Variants in TTN observed in about 807,000 individuals in gnomAD.
TTN encodes titin.
Under a neutral mutation model 3,223.0 loss-of-function variants are expected in TTN, and 1,525 were observed. The observed-to-expected ratio is 0.47, with a 90% confidence interval of 0.45 to 0.49. The LOEUF is 0.49. Ranked by LOEUF, TTN falls within the 20% of genes least tolerant of loss-of-function variation. TTN has a pLI of 0.00. For synonymous variants in TTN, 14,094 were observed against 15,161.0 expected (o/e 0.93, Z 5.17); for missense variants, 40,786 against 43,424.0 (o/e 0.94, Z 5.40).
Position 178,636,864 on chromosome 2 carries a change from G to T in TTN, c.40928-65C>A. On this transcript the variant is annotated intron_variant, in intron 224 of 362. Transcript: ENST00000589042. This position sits in a 1 kb window ranked among gnomAD's most constrained non-coding sequence, Gnocchi z 4.3. ...TTAGGAGTCAGAAAGTTCATACTTGGCTGCCTGCTGGATAAAACCAGCCGT... is the reference window on the plus strand; with the variant it reads ...TTAGGAGTCAGAAAGTTCATACTTGTCTGCCTGCTGGATAAAACCAGCCGT... 2.0e-6 allele frequency: 3 copies of T among 1,485,900 alleles called. No individual in the cohort carries two copies. Among genetic ancestry groups the T allele is most frequent in the Non-Finnish European group, 2.7e-6 (3 of 1,119,880 alleles). The allele number at this position is 1,485,900 out of a possible 1,614,324, so 92.0% of individuals were successfully genotyped here. A position where few individuals can be genotyped will look rare whatever the true frequency, so the allele number is the denominator to read the frequency against.
rs867196567 is a variant in TTN at position 178,715,833 on chromosome 2, G to A, written c.25640-59C>T. ...GATGGAACAGATGCATATAATTCAA[G>A]ATGAGGTGGAAAAAATAATCTTTGC... On this transcript the variant is annotated intron_variant, in intron 88 of 362. Coordinates refer to ENST00000589042, the MANE Select transcript of TTN (RefSeq NM_001267550.2). 1.0e-5 allele frequency: 15 copies of A among 1,460,918 alleles called. No homozygotes were observed. The Middle Eastern group carries it at 7.1e-4, about 69-fold the overall frequency. 90.5% of individuals were successfully genotyped at this position (1,460,918 alleles called of 1,614,324 possible).
rs1329840679 is a variant in TTN at position 178,675,707 on chromosome 2, G to A, written c.34501C>T (p.Pro11501Ser). Reference sequence around the variant, plus strand: ...GGGGCCACTGCTTTCTTAAGACCAGGAGGAGGGACCTTCTTTTCTGGCTCA... The same window carrying A: ...GGGGCCACTGCTTTCTTAAGACCAGAAGGAGGGACCTTCTTTTCTGGCTCA... The part of the protein sequence containing the change: ...KPEPEKKVPP[P>S]GLKKAVAPPA... The change falls in exon 149 of 363, where the codon CCT becomes TCT. Residue 11501 changes from proline (P) to serine (S), a missense_variant. Pro to Ser is a moderately conservative substitution (Grantham distance 74). Transcript: ENST00000589042. 4.9e-6 allele frequency: 7 copies of A among 1,428,674 alleles called. No individual in the cohort carries two copies. The Admixed American group carries it at 1.1e-4, about 23-fold the overall frequency. The allele number at this position is 1,428,674 out of a possible 1,614,324, so 88.5% of individuals were successfully genotyped here.
intron 69 of TTN, 64 bp downstream of exon 69, chr2:178,727,026 G>A (rs1470286018): frequency 1.2e-5 from 16 of 1,327,944 alleles, no homozygotes; most frequent in Non-Finnish European, 1.6e-5. Context: ...TGAATAAAGA[G>A]CTATAATACC....
In TTN at chr2:178,560,652, T is replaced by C. The variant is rs749807293; in HGVS notation, c.85480A>G (p.Ser28494Gly). 1.9e-6 allele frequency: 3 copies of C among 1,613,584 alleles called. No individual in the cohort carries two copies. The highest frequency in any genetic ancestry group is 1.1e-5 in the South Asian group (1 of 91,086). The part of the protein sequence containing the change: ...DYYIVEKRET[S>G]HLAWTICEGE... ...TCACATATTGTCCATGCAAGGTGGC[T>C]TGTTTCACGTTTTTCTACGATGTAA... is the stretch of plus-strand genomic sequence containing the variant. Residue 28494 changes from serine to glycine, a missense_variant, in exon 326 of 363, where the codon AGC becomes GGC. Coordinates refer to ENST00000589042, the MANE Select transcript of TTN (RefSeq NM_001267550.2).
chr2:178,667,695 G>C lies in TTN; in HGVS notation c.35572C>G (p.Leu11858Val). ...TGAGTCACAAGTACTTTTTCTTCTAGGACTGCTTCTTCAGATGCTTCATAA... is the reference window on the plus strand; with the variant it reads ...TGAGTCACAAGTACTTTTTCTTCTACGACTGCTTCTTCAGATGCTTCATAA... Reference protein sequence around the residue: ...YIYEASEEAVLEEKVLVTQPQ... With the variant: ...YIYEASEEAVVEEKVLVTQPQ... The change falls in exon 160 of 363, where the codon CTA becomes GTA. Residue 11858 changes from leucine to valine, a missense_variant. Transcript: ENST00000589042. 6.3e-7 allele frequency: 1 copy of C among 1,595,484 alleles called. No homozygotes were observed.
In TTN at chr2:178,583,631, G is replaced by T; in HGVS notation, c.65551C>A (p.Pro21851Thr). ...NISPPSEPSD[P>T]VTILAENVPP... ...CCATTTTCTGCGAGGATAGTCACTG[G>T]ATCAGAAGGTTCAGAAGGTGGGCTA... Residue 21851 changes from proline (P) to threonine (T), a missense_variant, in exon 312 of 363, where the codon CCA becomes ACA. Pro to Thr is a conservative substitution (Grantham distance 38). Transcript: ENST00000589042. The T allele has an allele frequency of 6.2e-7, 1 of 1,608,570 alleles. No individual in the cohort carries two copies. The highest frequency in any genetic ancestry group is 1.1e-5 in the South Asian group (1 of 90,406).
chr2:178,649,713 T>C, intron 211 of TTN, 82 bp from the exon 212 acceptor site: 1 of 1,538,408 alleles, frequency 6.5e-7, no homozygotes, highest in Non-Finnish European at 8.9e-7. Flanking sequence ...CACTGTAACA[T>C]ATAGGTAAGA....
Position 178,571,100 on chromosome 2 carries a change from C to G in TTN, c.75032G>C (p.Gly25011Ala). The G allele has an allele frequency of 6.2e-7, 1 of 1,613,506 alleles. No individual in the cohort carries two copies. The highest frequency in any genetic ancestry group is 1.1e-5 in the South Asian group (1 of 91,058). ...TGTGACAATGATTGCCTCTGGCCGT[C>G]CTGGTGGATCACATGGGTCACGAGC... ...YVARDPCDPP[G>A]RPEAIIVTRN... is the part of the protein sequence containing the mutation. The change falls in exon 326 of 363, where the codon GGA (glycine) becomes GCA (alanine). Residue 25011 changes from glycine (G) to alanine (A), a missense_variant. Coordinates refer to ENST00000589042, the MANE Select transcript of TTN (RefSeq NM_001267550.2).
At chr2:178,768,532 A>T in intron 38 of TTN, 141 bp downstream of exon 38, 2 of 1,252,620 alleles carry the variant, frequency 1.6e-6, no homozygotes, top group Non-Finnish European at 2.2e-6. Context: ...AGCATATCGT[A>T]GTGCTTCCTT....
intron 7 of TTN, 61 bp from the exon 8 acceptor site, chr2:178,794,612 A>C: frequency 6.2e-7 from 1 of 1,610,308 alleles, no homozygotes; most frequent in Non-Finnish European, 8.5e-7. Context: ...AGAAAATAAA[A>C]AAGCATACTG....
chr2:178,621,429 G>A (rs1280685613), intron 245 of TTN, 46 bp downstream of exon 245: 10 of 1,605,286 alleles, frequency 6.2e-6, no homozygotes, highest in Middle Eastern at 1.7e-4. Flanking sequence ...AATCTAGCAA[G>A]TGTGAATTGT....
At position 178,561,850 on chromosome 2, in the gene TTN, C is replaced by A. The variant is rs746801951; in HGVS notation, c.84282G>T (p.Lys28094Asn). 6.2e-7 allele frequency: 1 copy of A among 1,613,618 alleles called. No homozygotes were observed. Among genetic ancestry groups the A allele is most frequent in the East Asian group, 2.2e-5 (1 of 44,786 alleles). Residue 28094 changes from lysine to asparagine, a missense_variant, in exon 326 of 363, where the codon AAG (lysine) becomes AAT (asparagine). Lys to Asn is a moderately conservative substitution (Grantham distance 94, BLOSUM62 0). Transcript: ENST00000589042. ...GCCATGTTGTAGAGGTGGTTTCTTT[C>A]TTTTCAACAATGTAATTGCTAATTT... ...GCQISNYIVEKKETTSTTWHI... is the reference protein window; with the variant it reads ...GCQISNYIVENKETTSTTWHI...
Position 178,718,844 on chromosome 2 carries a change from A to C in TTN, c.24356T>G (p.Val8119Gly). Residue 8119 changes from valine (V) to glycine (G), a missense_variant, in exon 84 of 363, where the codon GTG (valine) becomes GGG (glycine). By Grantham distance (109) the Val-to-Gly change is moderately radical (BLOSUM62 -3). Transcript: ENST00000589042. ...AGAGATGTTGCATGACTCCCCAGGC[A>C]CCAGTTCCCTGCTGCCTTTAAACCA... is the stretch of plus-strand genomic sequence containing the variant. ...VKWFKGSRELVPGESCNISLE... is the reference protein window; with the variant it reads ...VKWFKGSRELGPGESCNISLE... 6.2e-7 allele frequency: 1 copy of C among 1,613,700 alleles called. No individual in the cohort carries two copies. The highest frequency in any genetic ancestry group is 1.1e-5 in the South Asian group (1 of 91,074).
intron 1 of TTN, among the ~76,000 whole-genome samples, chr2:178,805,044 T>C (rs2094249771): frequency 6.6e-6 from 1 of 152,092 alleles, no homozygotes; most frequent in Non-Finnish European, 1.5e-5. Flanking sequence ...ATGTGATAAA[T>C]GTAAAATAAA....
At chr2:178,750,893 C>A in intron 47 of TTN, 1 of 1,612,888 alleles carries the variant, frequency 6.2e-7, no homozygotes, top group African/African-American at 1.3e-5. Flanking sequence ...CAGCTGTCCT[C>A]TTGCTTGGGT....
chr2:178,619,894 A>T lies in TTN; in HGVS notation c.46430-7T>A, dbSNP rs765636456. The T allele has an allele frequency of 3.1e-6, 5 of 1,604,718 alleles. No homozygotes were observed. The South Asian group carries it at 4.5e-5, about 15-fold the overall frequency. ...ATGATCTCAACAGGAATTTCTGGAA[A>T]GAAAATGTGAAATAAATACAAATAT... On this transcript the variant is annotated splice_polypyrimidine_tract_variant and splice_region_variant and intron_variant, in intron 249 of 362. Transcript: ENST00000589042.
chr2:178,756,564 G>A lies in TTN; in HGVS notation c.10912C>T (p.Leu3638Phe). 2 of 1,611,508 alleles carry A rather than the reference G, an allele frequency of 1.2e-6. No individual in the cohort carries two copies. Among genetic ancestry groups the A allele is most frequent in the South Asian group, 1.1e-5 (1 of 90,916 alleles). Residue 3638 changes from leucine (L) to phenylalanine (F), a missense_variant, in exon 46 of 363, where the codon CTT becomes TTT. Transcript: ENST00000589042. The part of the protein sequence containing the change: ...QDTQLCHTAS[L>F]SQIAESTELS... ...TCAGTGCTTTCTGCAATTTGTGAAA[G>A]GGATGCAGTATGGCACAACTGTGTA...
At position 178,694,865 on chromosome 2, in the gene TTN, G is replaced by A. The variant is rs1220114381; in HGVS notation, c.31312C>T (p.Arg10438Ter). 4 of 1,559,768 alleles carry A rather than the reference G, an allele frequency of 2.6e-6. No homozygotes were observed. Among genetic ancestry groups the A allele is most frequent in the South Asian group, 1.2e-5 (1 of 84,618 alleles). The change falls in exon 116 of 363, where the codon CGA (arginine) becomes TGA (stop). Residue 10438 changes from arginine (R) to a stop codon, truncating the protein, a stop_gained. Coordinates refer to ENST00000589042, the MANE Select transcript of TTN (RefSeq NM_001267550.2). LOFTEE classifies it high-confidence loss of function. ...PVIEKIEKTS[R>*]RMEEEKVQVT... ...TGAACTTTTTCTTCCTCCATTCTTC[G>A]AGAAGTCTTTTCAATTTTTTCAATT... is the stretch of plus-strand genomic sequence containing the variant.
chr2:178,677,711 C>T lies in TTN; in HGVS notation c.34201G>A (p.Glu11401Lys), dbSNP rs765827814. ...TCTTCCTCAGGTACATATTCTTCTT[C>T]GGGAGGAACTTCCTCTTCCTCAGGT... Reference protein sequence around the residue: ...IPPEEEEVPPEEEYVPEEEEF... With the variant: ...IPPEEEEVPPKEEYVPEEEEF... The change falls in exon 146 of 363, where the codon GAA (glutamate) becomes AAA (lysine). Residue 11401 changes from glutamate to lysine, a missense_variant. Physicochemically the swap from Glu to Lys is moderately conservative, Grantham distance 56. Coordinates refer to ENST00000589042, the MANE Select transcript of TTN (RefSeq NM_001267550.2). The T allele has an allele frequency of 8.6e-5, 139 of 1,612,684 alleles. No individual in the cohort carries two copies. The highest frequency in any genetic ancestry group is 6.7e-4 in the South Asian group (61 of 91,030).
Sources: allele counts gnomAD v4.1 joint callset (sites outside exome capture counted in the v4.1 genomes callset), GRCh38; gene constraint gnomAD v4.1.1; non-coding constraint Gnocchi (gnomAD v3.1); transcripts MANE v1.5; gene names NCBI Gene and HGNC (gene_info 2026-07-23, HGNC 2026-07-21).